ATM: variants seen among roughly 807,000 people sequenced by gnomAD.
ATM encodes the protein ATM serine/threonine kinase.
In ATM, 308 loss-of-function variants were observed where a neutral mutation model predicts 387.0. The ratio of observed to expected loss-of-function variants is 0.80; its 90% CI spans 0.73 to 0.87. ATM has a LOEUF of 0.87. ATM is among the 40% of genes least tolerant of loss of function. The probability of loss-of-function intolerance (pLI) is 0.00; values close to 1 mark genes in which losing one functional copy is unlikely to be tolerated. For missense variants in ATM, 3,312 were observed against 3,560.9 expected, an observed-to-expected ratio of 0.93 and a Z score of 1.78; for synonymous variants, 1,156 against 1,187.3, an observed-to-expected ratio of 0.97 and a Z score of 0.54.
At chr11:108,238,824 T>C (rs2079424089) in intron 5 of ATM, among the ~76,000 whole-genome samples, 3 of 152,192 alleles carry the variant, frequency 2.0e-5, no homozygotes, top group Non-Finnish European at 4.4e-5. Context: ...GTAAAATATA[T>C]ATAACATTTA....
chr11:108,330,543 T>G (rs1000459192), intron 50 of ATM, 122 bp downstream of exon 50: 2 of 963,836 alleles, frequency 2.1e-6, no homozygotes, highest in Non-Finnish European at 3.3e-6. Context: ...GCTCTACACA[T>G]AAGTAGCATT....
intron 17 of ATM, among the ~76,000 whole-genome samples, chr11:108,268,160 A>G (rs2081365273): frequency 1.3e-5 from 2 of 152,090 alleles, no homozygotes; most frequent in African/African-American, 2.4e-5. Flanking sequence ...CTATTTTCCT[A>G]CAATAAACAT....
At chr11:108,282,564 A>G (rs2082286638) in intron 24 of ATM, 146 bp from the exon 25 acceptor site, 2 of 701,468 alleles carry the variant, frequency 2.9e-6, no homozygotes, top group South Asian at 3.7e-5. Context: ...CATTTTCTTA[A>G]TTATTATTCC....
chr11:108,240,001 A>G (rs1472749197), intron 5 of ATM, among the ~76,000 whole-genome samples: 3 of 152,224 alleles, frequency 2.0e-5, no homozygotes, highest in Admixed American at 2.0e-4. Flanking sequence ...ATTTACAGCA[A>G]AACGGAGTGG....
At chr11:108,289,242 A>G in intron 28 of ATM, 139 bp downstream of exon 28, 2 of 929,076 alleles carry the variant, frequency 2.2e-6, no homozygotes, top group South Asian at 3.5e-5. Flanking sequence ...TTCATTTACA[A>G]GTTTAAATGG....
chr11:108,245,026 G>T lies in ATM; in HGVS notation c.901G>T (p.Gly301Cys), dbSNP rs1064797160. The change falls in exon 7 of 63, where the codon GGT becomes TGT. Residue 301 changes from glycine to cysteine, a missense_variant and splice_region_variant. Physicochemically the swap from Gly to Cys is radical, Grantham distance 159. Around this residue, in one of 4 missense-constraint regions of ATM, gnomAD observed 1,791 missense variants for 1,804.5 expected, o/e 0.99. Coordinates refer to ENST00000675843, the MANE Select transcript of ATM (RefSeq NM_000051.4). ...GAAAGGAGCCAAAACCCAAGAAAAA[G>T]GTATAAAGGAAATGTTTACTGTTTT... The part of the protein sequence containing the change: ...HPKGAKTQEK[G>C]AYESTKWRSI... The T allele has an allele frequency of 6.3e-7, 1 of 1,597,882 alleles. No individual in the cohort carries two copies. Among genetic ancestry groups the T allele is most frequent in the Non-Finnish European group, 8.5e-7 (1 of 1,170,132 alleles).
At chr11:108,256,007 A>G (rs1353584280) in intron 13 of ATM, among the ~76,000 whole-genome samples, 1 of 152,012 alleles carries the variant, frequency 6.6e-6, no homozygotes, top group Non-Finnish European at 1.5e-5. Flanking sequence ...CCATCAGGAG[A>G]TACTTAGGCT....
chr11:108,287,888 T>C (rs1179970632), intron 27 of ATM, among the ~76,000 whole-genome samples, 173 bp downstream of exon 27: 1 of 152,218 alleles, frequency 6.6e-6, no homozygotes, highest in African/African-American at 2.4e-5. Flanking sequence ...TCTTTTACCA[T>C]AGTCTCCCCA....
At chr11:108,235,588 G>T (rs1051258001) in intron 4 of ATM, 82 bp from the exon 5 acceptor site, 17 of 1,277,458 alleles carry the variant, frequency 1.3e-5, no homozygotes, top group Admixed American at 2.1e-5. Context: ...TTCCCAAATG[G>T]AATTATTTAA....
chr11:108,333,285 A>G (rs568660866), intron 53 of ATM, among the ~76,000 whole-genome samples: 5 of 152,186 alleles, frequency 3.3e-5, no homozygotes, highest in Non-Finnish European at 7.4e-5. Context: ...AAAAGGCTTT[A>G]CCATTTCTTC....
At chr11:108,301,827 T>C in intron 35 of ATM, 38 bp downstream of exon 35, 1 of 1,604,438 alleles carries the variant, frequency 6.2e-7, no homozygotes, top group South Asian at 1.1e-5. Flanking sequence ...ATACCCAGCA[T>C]ATCTAAAACA....
intron 16 of ATM, among the ~76,000 whole-genome samples, chr11:108,263,335 T>G (rs2081025763): frequency 7.2e-6 from 1 of 139,280 alleles, no homozygotes; most frequent in South Asian, 2.6e-4. Context: ...AGAATCTCAC[T>G]CAAAACCACT....
chr11:108,224,203 G>C (rs1371201662), intron 1 of ATM: 2 of 152,262 alleles, frequency 1.3e-5, no homozygotes, highest in East Asian at 3.9e-4. Context: ...TAGTGAACTT[G>C]CTCTAGATTA....
At chr11:108,303,755 C>G (rs1165475808) in intron 36 of ATM, among the ~76,000 whole-genome samples, 4 of 152,192 alleles carry the variant, frequency 2.6e-5, no homozygotes, top group African/African-American at 9.7e-5. Context: ...CTACACCGCA[C>G]TCATACCAAT....
chr11:108,314,118 T>C (rs1386596745), intron 40 of ATM, among the ~76,000 whole-genome samples: 1 of 152,022 alleles, frequency 6.6e-6, no homozygotes, highest in Non-Finnish European at 1.5e-5. Context: ...ATGTACAGTT[T>C]TTTTGTTTTT....
In ATM at chr11:108,244,787, G is replaced by C. The variant is rs2135236670; in HGVS notation, c.663-1G>C. Reference sequence around the variant, plus strand: ...AGTTGAGCTTGTTTGTTTCTTCACAGACAAGAAAAGAGCTCTTCAGGTCTA... The same window carrying C: ...AGTTGAGCTTGTTTGTTTCTTCACACACAAGAAAAGAGCTCTTCAGGTCTA... On this transcript the variant is annotated splice_acceptor_variant, in intron 6 of 62. Transcript: ENST00000675843. LOFTEE classifies it high-confidence loss of function. The C allele has an allele frequency of 6.2e-7, 1 of 1,610,096 alleles. No individual in the cohort carries two copies. The highest frequency in any genetic ancestry group is 8.5e-7 in the Non-Finnish European group (1 of 1,176,786).
At chr11:108,256,116 T>C (rs2135389996) in intron 13 of ATM, 99 bp from the exon 14 acceptor site, 2 of 1,164,814 alleles carry the variant, frequency 1.7e-6, no homozygotes, top group South Asian at 1.7e-5. Context: ...AACTGAACTT[T>C]TGTTTTTTAA....
At chr11:108,362,462 G>GGACTA (rs2090882623) in intron 61 of ATM, among the ~76,000 whole-genome samples, 1 of 151,308 alleles carries the variant, frequency 6.6e-6, no homozygotes, top group Non-Finnish European at 1.5e-5. Flanking sequence ...TATAACCAAA[G>GGACTA]GACTATAAAT....
At chr11:108,332,739 T>C (rs751393915) in intron 52 of ATM, 23 bp from the exon 53 acceptor site, 3 of 1,607,848 alleles carry the variant, frequency 1.9e-6, no homozygotes, top group African/African-American at 1.3e-5. Flanking sequence ...CCTTATGTAA[T>C]GTTTTTTGTT....
Sources: allele counts gnomAD v4.1 joint callset (sites outside exome capture counted in the v4.1 genomes callset), GRCh38; gene constraint gnomAD v4.1.1; regional missense constraint gnomAD v4.1.1; transcripts MANE v1.5; gene names NCBI Gene and HGNC (gene_info 2026-07-23, HGNC 2026-07-21).